PCNX1: variants seen among roughly 807,000 people sequenced by gnomAD.
The protein encoded by PCNX1 is pecanex 1.
In PCNX1, 78 loss-of-function variants were observed where a neutral mutation model predicts 242.2. The observed-to-expected ratio is 0.32, with a 90% CI of 0.27 to 0.39. The LOEUF (loss-of-function observed/expected upper bound fraction) is 0.39. PCNX1 is among the 10% of genes least tolerant of loss of function. The probability of loss-of-function intolerance (pLI) is 1.00; values close to 1 mark genes in which losing one functional copy is unlikely to be tolerated. For synonymous variants in PCNX1, 1,024 were observed against 1,032.9 expected (o/e 0.99, Z 0.17); for missense variants, 2,581 against 2,856.5 (o/e 0.90, Z 2.20).
Position 71,017,688 on chromosome 14 carries a change from C to T in PCNX1, c.2997-1321C>T, listed in dbSNP as rs117022745. ...TTGAAAATCCTTAAAAATCCAAAGA[C>T]AAGACATGTTCAATGACAAGGGAGG... On this transcript the variant is annotated intron_variant, in intron 11 of 35. Transcript: ENST00000304743. Among the ~76,000 whole-genome samples the T allele has an allele frequency of 9.0e-3, 1,365 of 152,206 alleles. 10 individuals are homozygous for T. The highest frequency in any genetic ancestry group is 0.012 in the Non-Finnish European group (842 of 68,000).
At chr14:71,070,168 A>G (rs1214065635) in intron 26 of PCNX1, among the ~76,000 whole-genome samples, 11 of 152,234 alleles carry the variant, frequency 7.2e-5, no homozygotes, top group Non-Finnish European at 1.5e-5. Context: ...TATTATAGCA[A>G]TTCTGCCACA....
intron 2 of PCNX1, among the ~76,000 whole-genome samples, chr14:70,956,567 A>G (rs1387696395): frequency 6.6e-6 from 1 of 152,112 alleles, no homozygotes; most frequent in Non-Finnish European, 1.5e-5. Flanking sequence ...TCTTAAAAAA[A>G]CAAAACAAAA....
In PCNX1 at chr14:71,023,251, G is replaced by A. The variant is rs1566712977; in HGVS notation, c.3183+19G>A. The A allele has an allele frequency of 1.9e-6, 3 of 1,556,920 alleles. No homozygotes were observed. The highest frequency in any genetic ancestry group is 1.1e-5 in the South Asian group (1 of 89,912). On this transcript the variant is annotated intron_variant, in intron 13 of 35. Transcript: ENST00000304743. Reference sequence around the variant, plus strand: ...CAGACATGTAAGTCACTCTTAATATGGCTGTACATTATAGGTCCTTAACAT... The same window carrying A: ...CAGACATGTAAGTCACTCTTAATATAGCTGTACATTATAGGTCCTTAACAT...
At chr14:70,931,655 A>G (rs1490897337) in intron 1 of PCNX1, among the ~76,000 whole-genome samples, 6 of 152,228 alleles carry the variant, frequency 3.9e-5, no homozygotes, top group Non-Finnish European at 8.8e-5. Flanking sequence ...TTTTTCTACA[A>G]GATACTATTA....
chr14:70,954,877 G>T (rs1386807062), intron 2 of PCNX1, among the ~76,000 whole-genome samples: 1 of 152,082 alleles, frequency 6.6e-6, no homozygotes, highest in Non-Finnish European at 1.5e-5. Context: ...TTTGTTGTAG[G>T]TTTTTGTTTT....
intron 7 of PCNX1, among the ~76,000 whole-genome samples, chr14:70,992,062 A>T (rs1043657057): frequency 2.0e-5 from 3 of 152,098 alleles, no homozygotes; most frequent in African/African-American, 7.2e-5. Flanking sequence ...ATTATTTTTT[A>T]AAGTTTTATT....
intron 2 of PCNX1, among the ~76,000 whole-genome samples, chr14:70,953,134 C>G (rs960829095): frequency 6.6e-5 from 10 of 151,988 alleles, no homozygotes. Context: ...AAAATTTTAG[C>G]TAGGTATGGT....
chr14:71,008,351 A>G (rs1157761741), intron 8 of PCNX1, among the ~76,000 whole-genome samples: 1 of 152,092 alleles, frequency 6.6e-6, no homozygotes, highest in East Asian at 1.9e-4. Context: ...TCAAGTCAAC[A>G]TTGACCTTTA....
chr14:71,066,787 A>G lies in PCNX1; in HGVS notation c.4853-6758A>G, dbSNP rs145191540. 3.1e-3 allele frequency among the ~76,000 whole-genome samples: 476 copies of G among 152,308 alleles called. 5 individuals are homozygous for G. The highest frequency in any genetic ancestry group is 0.011 in the African/African-American group (452 of 41,554). On this transcript the variant is annotated intron_variant, in intron 26 of 35. Coordinates refer to ENST00000304743, the MANE Select transcript of PCNX1 (RefSeq NM_014982.3). ...TATTATTTTGAGATAGGTTCCATCA[A>G]TACCTAGTTTATGGAGAGGTTTTAG... is the stretch of plus-strand genomic sequence containing the variant.
intron 8 of PCNX1, among the ~76,000 whole-genome samples, chr14:71,007,950 C>CT (rs1426871579): frequency 6.6e-6 from 1 of 151,876 alleles, no homozygotes; most frequent in Admixed American, 6.6e-5. Context: ...TGACTTATGA[C>CT]TAAAAGATGG....
chr14:71,024,665 G>C (rs541501419), intron 13 of PCNX1, among the ~76,000 whole-genome samples: 2 of 152,230 alleles, frequency 1.3e-5, no homozygotes, highest in Admixed American at 6.5e-5. Context: ...TTGATCTTCT[G>C]GTTAAGGGTA....
intron 6 of PCNX1, among the ~76,000 whole-genome samples, chr14:70,982,511 A>G (rs1200245754): frequency 6.6e-6 from 1 of 152,230 alleles, no homozygotes; most frequent in Non-Finnish European, 1.5e-5. Context: ...ATTAAAGTAT[A>G]ATGCTATACT....
chr14:70,907,811 GCGGCGGCGGCGGCGGCGA>G lies in PCNX1; in HGVS notation c.-28_-11del, dbSNP rs779203779. On this transcript the variant is annotated 5_prime_UTR_variant, in exon 1 of 36. Coordinates refer to ENST00000304743, the MANE Select transcript of PCNX1 (RefSeq NM_014982.3). Reference sequence around the variant, plus strand: ...CCGAGCTGGGGCCGGGGCGGGGACGGCGGCGGCGGCGGCGGCGACGGCGGCGGCGCCGGGTGGGGATGG... The same window carrying G: ...CCGAGCTGGGGCCGGGGCGGGGACGGCGGCGGCGGCGCCGGGTGGGGATGG... 181 of 1,201,344 alleles carry G rather than the reference GCGGCGGCGGCGGCGGCGA, an allele frequency of 1.5e-4. No individual in the cohort carries two copies. The highest frequency in any genetic ancestry group is 1.9e-4 in the South Asian group (5 of 26,160). 74.4% of individuals were successfully genotyped at this position (1,201,344 alleles called of 1,614,324 possible). A position where few individuals can be genotyped will look rare whatever the true frequency, so the allele number is the denominator to read the frequency against.
intron 17 of PCNX1, among the ~76,000 whole-genome samples, 180 bp downstream of exon 17, chr14:71,033,718 T>G (rs2060454457): frequency 6.6e-6 from 1 of 152,186 alleles, no homozygotes; most frequent in South Asian, 2.1e-4. Context: ...AGAATATTAG[T>G]GTTTTCCTTC....
chr14:71,101,542 G>A (rs1401402528), intron 30 of PCNX1, among the ~76,000 whole-genome samples: 2 of 152,168 alleles, frequency 1.3e-5, no homozygotes, highest in East Asian at 3.8e-4. Flanking sequence ...GCAGGATAAA[G>A]TGATATATTA....
intron 33 of PCNX1, among the ~76,000 whole-genome samples, chr14:71,108,003 CATT>C (rs749937631): frequency 1.8e-4 from 27 of 152,276 alleles, no homozygotes; most frequent in Non-Finnish European, 3.1e-4. Context: ...GCATACAACA[CATT>C]ATTATTAACT....
intron 26 of PCNX1, among the ~76,000 whole-genome samples, chr14:71,070,416 G>A (rs1161761598): frequency 1.3e-5 from 2 of 152,188 alleles, no homozygotes; most frequent in Admixed American, 6.6e-5. Flanking sequence ...CTCATCAGAG[G>A]AATCCCTCTG....
chr14:71,025,995 C>A, intron 13 of PCNX1, 122 bp from the exon 14 acceptor site: 1 of 505,100 alleles, frequency 2.0e-6, no homozygotes, highest in Non-Finnish European at 3.4e-6. Context: ...CTGTGATTGT[C>A]AGAAATCTGG....
chr14:71,083,164 A>G (rs1483383195), intron 28 of PCNX1, among the ~76,000 whole-genome samples: 1 of 152,198 alleles, frequency 6.6e-6, no homozygotes, highest in Non-Finnish European at 1.5e-5. Flanking sequence ...TTCTTTAAGA[A>G]TGTTGAATAC....
Sources: gnomAD v4.1 joint callset for allele counts (sites outside exome capture counted in the v4.1 genomes callset) on GRCh38, gnomAD v4.1.1 for gene constraint, MANE v1.5 for transcripts, NCBI Gene and HGNC (gene_info 2026-07-23, HGNC 2026-07-21) for gene names.